Variants in ZBTB16 observed in about 807,000 individuals in gnomAD.
ZBTB16 encodes zinc finger and BTB domain containing 16.
Under a neutral mutation model 56.8 loss-of-function variants are expected in ZBTB16, and 8 were observed. That is an observed-to-expected ratio of 0.14 (90% CI 0.08 to 0.25). ZBTB16 has a LOEUF of 0.25. Among genes scored for constraint, ZBTB16 ranks in the 10% least tolerant of loss-of-function variants. The probability of loss-of-function intolerance (pLI) is 1.00; values close to 1 mark genes in which losing one functional copy is unlikely to be tolerated. For missense variants in ZBTB16, 625 were observed against 903.0 expected (o/e 0.69, Z 3.95); for synonymous variants, 363 against 368.5 (o/e 0.98, Z 0.17).
At chr11:114,102,096 A>C (rs772472488) in intron 2 of ZBTB16, among the ~76,000 whole-genome samples, 38 of 152,162 alleles carry the variant, frequency 2.5e-4, no homozygotes, top group Non-Finnish European at 4.9e-4. Flanking sequence ...CAGTGAACAC[A>C]TCGATGGTGG....
intron 2 of ZBTB16, among the ~76,000 whole-genome samples, chr11:114,104,924 G>A (rs1940735193): frequency 6.6e-6 from 1 of 152,136 alleles, no homozygotes; most frequent in African/African-American, 2.4e-5. Flanking sequence ...GCATCAGAAG[G>A]GGAGTGTGTC....
intron 4 of ZBTB16, among the ~76,000 whole-genome samples, chr11:114,229,399 A>G (rs1197854036): frequency 6.6e-6 from 1 of 152,212 alleles, no homozygotes; most frequent in Non-Finnish European, 1.5e-5. Flanking sequence ...GATTGAAACT[A>G]TGGGCCGCCT....
intron 4 of ZBTB16, among the ~76,000 whole-genome samples, chr11:114,235,765 CTTCG>C (rs1944574395): frequency 6.1e-5 from 8 of 130,666 alleles, no homozygotes; most frequent in African/African-American, 2.4e-4. Context: ...TCCTTCCTTC[CTTCG>C]TTCCTTCCTT....
intron 4 of ZBTB16, among the ~76,000 whole-genome samples, chr11:114,211,766 A>G (rs1944002180): frequency 6.6e-6 from 1 of 152,156 alleles, no homozygotes; most frequent in Admixed American, 6.5e-5. Flanking sequence ...CAGGAAGGCC[A>G]GCTTGCAGTG....
At chr11:114,231,790 C>T (rs1386189747) in intron 4 of ZBTB16, among the ~76,000 whole-genome samples, 8 of 152,184 alleles carry the variant, frequency 5.3e-5, no homozygotes, top group East Asian at 3.9e-4. Flanking sequence ...AAAATGCTGA[C>T]GTCCATCTCA....
chr11:114,246,593 T>A (rs1461080223), intron 5 of ZBTB16, among the ~76,000 whole-genome samples: 2 of 152,294 alleles, frequency 1.3e-5, no homozygotes, highest in East Asian at 1.9e-4. Context: ...GAAGAAAGTG[T>A]GATTCATTCT....
rs113376843 is a variant in ZBTB16 at position 114,084,835 on chromosome 11, A to T, written c.1268+20267A>T. ...TGCTGTTCAGGCACATGGTCTGGTT[A>T]GCAAAGGGTTAAATCCTGCATCCCG... On this transcript the variant is annotated intron_variant, in intron 2 of 6. Transcript: ENST00000335953. 8.1e-3 allele frequency among the ~76,000 whole-genome samples: 1,230 copies of T among 152,332 alleles called. 6 individuals are homozygous for T. The highest frequency in any genetic ancestry group is 0.014 in the Middle Eastern group (4 of 294).
At chr11:114,161,619 G>T (rs1339573791) in intron 3 of ZBTB16, among the ~76,000 whole-genome samples, 1 of 152,186 alleles carries the variant, frequency 6.6e-6, no homozygotes, top group Non-Finnish European at 1.5e-5. Flanking sequence ...TATGGAAGTG[G>T]GTGGTGTAAC....
chr11:114,099,621 C>CG (rs1180254660), intron 2 of ZBTB16, among the ~76,000 whole-genome samples: 1 of 152,106 alleles, frequency 6.6e-6, no homozygotes, highest in African/African-American at 2.4e-5. Flanking sequence ...TGTGTGGTGT[C>CG]AGCTCAAGTG....
At chr11:114,109,715 T>C (rs751909927) in intron 2 of ZBTB16, among the ~76,000 whole-genome samples, 20 of 152,028 alleles carry the variant, frequency 1.3e-4, no homozygotes, top group South Asian at 6.3e-4. Flanking sequence ...GATTTAGGGA[T>C]TGAACTCAGA....
In ZBTB16 at chr11:114,250,558, G is replaced by C. The variant is rs1425971776; in HGVS notation, c.*3G>C. 6.2e-6 allele frequency: 10 copies of C among 1,614,086 alleles called. No homozygotes were observed. The highest frequency in any genetic ancestry group is 8.5e-6 in the Non-Finnish European group (10 of 1,180,010). ...ACCTCTACCTGTGCTATGTGTGAAG[G>C]GAGGCCCGCGGCGGTGGAGCCGAGC... On this transcript the variant is annotated 3_prime_UTR_variant, in exon 7 of 7. Coordinates refer to ENST00000335953, the MANE Select transcript of ZBTB16 (RefSeq NM_006006.6). The surrounding 1 kb of genome is among the most constrained non-coding windows in gnomAD (Gnocchi z 6.0).
chr11:114,154,705 G>A (rs992246787), intron 2 of ZBTB16, among the ~76,000 whole-genome samples: 2 of 152,272 alleles, frequency 1.3e-5, no homozygotes, highest in Non-Finnish European at 1.5e-5. Flanking sequence ...ATGGGGGGGT[G>A]GTACCCCTAC....
intron 2 of ZBTB16, among the ~76,000 whole-genome samples, chr11:114,118,813 C>A (rs952384880): frequency 6.6e-6 from 1 of 152,124 alleles, no homozygotes; most frequent in Non-Finnish European, 1.5e-5. Context: ...AGGAGGGTTG[C>A]GTCTCTGTGA....
intron 2 of ZBTB16, among the ~76,000 whole-genome samples, chr11:114,152,389 G>T (rs2134943487): frequency 6.6e-6 from 1 of 152,184 alleles, no homozygotes; most frequent in East Asian, 1.9e-4. Flanking sequence ...CAGTGAGAAG[G>T]AATGAATTCT....
intron 3 of ZBTB16, among the ~76,000 whole-genome samples, chr11:114,167,998 G>C (rs1010474854): frequency 1.3e-5 from 2 of 152,222 alleles, no homozygotes; most frequent in African/African-American, 4.8e-5. Context: ...CCCTCCATCT[G>C]ATCGCTCTTA....
At chr11:114,119,727 G>A (rs1941289326) in intron 2 of ZBTB16, among the ~76,000 whole-genome samples, 3 of 152,214 alleles carry the variant, frequency 2.0e-5, no homozygotes, top group African/African-American at 4.8e-5. Flanking sequence ...TCTGAGTTAG[G>A]TTCTTTAAAA....
intron 2 of ZBTB16, among the ~76,000 whole-genome samples, chr11:114,150,331 C>T (rs1407612201): frequency 1.3e-5 from 2 of 152,178 alleles, no homozygotes; most frequent in African/African-American, 4.8e-5. Context: ...CAAAAAGACA[C>T]ATAGAAAGTA....
chr11:114,064,171 A>G lies in ZBTB16; in HGVS notation c.871A>G (p.Ser291Gly). Reference sequence around the variant, plus strand: ...CCCGACTCGAAGCAGCGTCATCACCAGTGCTAGGGAGCTACACTATGGGCG... The same window carrying G: ...CCCGACTCGAAGCAGCGTCATCACCGGTGCTAGGGAGCTACACTATGGGCG... ...GTPTRSSVIT[S>G]ARELHYGREE... The change falls in exon 2 of 7, where the codon AGT becomes GGT. Residue 291 changes from serine to glycine, a missense_variant. This residue lies in a region of ZBTB16 where 384 missense variants were observed against 393.5 expected (regional missense o/e 0.98). Transcript: ENST00000335953. This position sits in a 1 kb window ranked among gnomAD's most constrained non-coding sequence, Gnocchi z 4.2. The G allele has an allele frequency of 6.2e-7, 1 of 1,613,954 alleles. No homozygotes were observed. The highest frequency in any genetic ancestry group is 8.5e-7 in the Non-Finnish European group (1 of 1,180,032).
In ZBTB16 at chr11:114,063,249, A is replaced by T; in HGVS notation, c.-52A>T. On this transcript the variant is annotated 5_prime_UTR_variant, in exon 2 of 7. Transcript: ENST00000335953. This position sits in a 1 kb window ranked among gnomAD's most constrained non-coding sequence, Gnocchi z 6.5. ...CCCAGGAAGCCCACCCAGCCCCGCC[A>T]CGCAGAGCCCAGAAGGAAAGAAAGC... 6.2e-7 allele frequency: 1 copy of T among 1,603,370 alleles called. No homozygotes were observed. Among genetic ancestry groups the T allele is most frequent in the South Asian group, 1.1e-5 (1 of 89,914 alleles).
Sources: gnomAD v4.1 joint callset for allele counts (sites outside exome capture counted in the v4.1 genomes callset) on GRCh38, gnomAD v4.1.1 for gene constraint, gnomAD v4.1.1 regional missense constraint, Gnocchi (gnomAD v3.1) non-coding constraint, MANE v1.5 for transcripts, NCBI Gene and HGNC (gene_info 2026-07-23, HGNC 2026-07-21) for gene names.